MAML2: variants seen among roughly 807,000 people sequenced by gnomAD.
MAML2 encodes mastermind like transcriptional coactivator 2, also known as mastermind-like protein 2.
A neutral mutation model predicts 96.1 loss-of-function variants in MAML2; 22 were observed. The observed-to-expected ratio is 0.23, with a 90% CI of 0.16 to 0.33. The LOEUF is 0.33. Ranked by LOEUF, MAML2 falls within the 10% of genes least tolerant of loss-of-function variation. The pLI is 1.00. For missense variants in MAML2, 1,367 were observed against 1,392.4 expected, an observed-to-expected ratio of 0.98 and a Z score of 0.29; for synonymous variants, 561 against 521.3, an observed-to-expected ratio of 1.08 and a Z score of -1.04.
intron 1 of MAML2, among the ~76,000 whole-genome samples, chr11:96,237,590 T>C (rs914386380): frequency 6.6e-6 from 1 of 152,202 alleles, no homozygotes; most frequent in Admixed American, 6.5e-5. Flanking sequence ...ATCCAAAAAA[T>C]ATTTATTTTT....
At chr11:95,985,756 G>T in intron 3 of MAML2, 114 bp from the exon 4 acceptor site, 2 of 637,020 alleles carry the variant, frequency 3.1e-6, no homozygotes, top group South Asian at 2.2e-5. Flanking sequence ...TGCAATCATG[G>T]GTTACAAATC....
At chr11:96,083,675 C>T (rs576331972) in intron 2 of MAML2, among the ~76,000 whole-genome samples, 25 of 152,166 alleles carry the variant, frequency 1.6e-4, no homozygotes, top group Non-Finnish European at 2.6e-4. Context: ...GAAGAAAGGA[C>T]GATAAGTCAA....
At chr11:96,252,173 C>CCA (rs752553831) in intron 1 of MAML2, among the ~76,000 whole-genome samples, 161 of 149,296 alleles carry the variant, frequency 1.1e-3, no homozygotes, top group South Asian at 4.6e-3. Flanking sequence ...TTCTCTCTCT[C>CCA]TACACACACA....
At chr11:96,307,520 C>T (rs912821525) in intron 1 of MAML2, among the ~76,000 whole-genome samples, 1 of 152,128 alleles carries the variant, frequency 6.6e-6, no homozygotes, top group Admixed American at 6.5e-5. Context: ...AGCCCAGGCA[C>T]TCTCGACAGC....
At chr11:96,186,457 T>G (rs1310089882) in intron 1 of MAML2, among the ~76,000 whole-genome samples, 1 of 152,118 alleles carries the variant, frequency 6.6e-6, no homozygotes, top group Admixed American at 6.5e-5. Flanking sequence ...AGCGTGGTGG[T>G]GCATGCCTAT....
intron 1 of MAML2, among the ~76,000 whole-genome samples, chr11:96,265,786 C>T (rs1024276681): frequency 6.6e-6 from 1 of 152,192 alleles, no homozygotes; most frequent in Non-Finnish European, 1.5e-5. Flanking sequence ...GTTGGAGGAG[C>T]GCTCGGCCCC....
intron 2 of MAML2, among the ~76,000 whole-genome samples, chr11:96,037,001 A>G (rs1378676406): frequency 6.6e-6 from 1 of 152,162 alleles, no homozygotes; most frequent in Non-Finnish European, 1.5e-5. Flanking sequence ...CATCTTGGAA[A>G]TTTGATCGGA....
At chr11:96,002,505 G>A (rs1858095372) in intron 2 of MAML2, among the ~76,000 whole-genome samples, 1 of 152,012 alleles carries the variant, frequency 6.6e-6, no homozygotes, top group African/African-American at 2.4e-5. Context: ...TGGAGATCAT[G>A]ATGACAATGA....
At chr11:96,087,689 A>G (rs916585563) in intron 2 of MAML2, among the ~76,000 whole-genome samples, 2 of 152,002 alleles carry the variant, frequency 1.3e-5, no homozygotes, top group African/African-American at 4.8e-5. Flanking sequence ...CTTTTTTAGG[A>G]CTTTGGCTTG....
chr11:96,116,568 C>A (rs973065440), intron 1 of MAML2, among the ~76,000 whole-genome samples: 7 of 152,178 alleles, frequency 4.6e-5, no homozygotes, highest in African/African-American at 1.7e-4. Context: ...TTGTACTCAA[C>A]TGCTAAGCTT....
chr11:96,078,900 A>C (rs992744364), intron 2 of MAML2, among the ~76,000 whole-genome samples: 14 of 152,240 alleles, frequency 9.2e-5, no homozygotes, highest in African/African-American at 3.4e-4. Context: ...CAAGGATATC[A>C]ATTCAAATTT....
At chr11:96,007,567 G>T (rs937862626) in intron 2 of MAML2, among the ~76,000 whole-genome samples, 3 of 151,862 alleles carry the variant, frequency 2.0e-5, no homozygotes, top group African/African-American at 7.3e-5. Flanking sequence ...CTACATAGTG[G>T]TTATTTTAAG....
rs556959615 is a variant in MAML2 at position 96,038,952 on chromosome 11, T to C, written c.2140-47229A>G. 3.3e-5 allele frequency among the ~76,000 whole-genome samples: 5 copies of C among 152,300 alleles called. No individual in the cohort carries two copies. In the East Asian group the frequency reaches 7.7e-4, roughly 24 times the overall value. On this transcript the variant is annotated intron_variant, in intron 2 of 4. Transcript: ENST00000524717. ...TCAAATGAATGAATGAATAAATAAA[T>C]GAATGAAAATAATTCTAGGCCAGGC...
At chr11:96,018,743 C>A (rs1858392640) in intron 2 of MAML2, among the ~76,000 whole-genome samples, 1 of 152,128 alleles carries the variant, frequency 6.6e-6, no homozygotes, top group African/African-American at 2.4e-5. Flanking sequence ...ACTACAGGGA[C>A]CTGCCACCAT....
intron 2 of MAML2, among the ~76,000 whole-genome samples, chr11:96,074,695 A>G (rs1177960093): frequency 6.6e-6 from 1 of 152,262 alleles, no homozygotes; most frequent in East Asian, 1.9e-4. Context: ...GAGTACTGAC[A>G]AACGTCATCA....
At position 96,086,620 on chromosome 11, in the gene MAML2, T is replaced by C. The variant is rs193299579; in HGVS notation, c.2139+5272A>G. On this transcript the variant is annotated intron_variant, in intron 2 of 4. Coordinates refer to ENST00000524717, the MANE Select transcript of MAML2 (RefSeq NM_032427.4). ...AATTTTTTAAAAACTCTGAAAATTT[T>C]ACACTTCCATTACTGCACCACAATT... is the stretch of plus-strand genomic sequence containing the variant. 2.6e-5 allele frequency among the ~76,000 whole-genome samples: 4 copies of C among 152,346 alleles called. No homozygotes were observed. In the East Asian group the frequency reaches 7.7e-4, roughly 29 times the overall value.
At chr11:96,076,855 T>C (rs1449385304) in intron 2 of MAML2, among the ~76,000 whole-genome samples, 2 of 152,196 alleles carry the variant, frequency 1.3e-5, no homozygotes, top group Non-Finnish European at 2.9e-5. Flanking sequence ...ATATCAAAAT[T>C]GTCCAAGTGG....
At chr11:96,293,684 C>G (rs1224954980) in intron 1 of MAML2, among the ~76,000 whole-genome samples, 2 of 152,124 alleles carry the variant, frequency 1.3e-5, no homozygotes, top group Admixed American at 1.3e-4. Flanking sequence ...CCCACGGAAA[C>G]AGTATGCAGA....
intron 1 of MAML2, among the ~76,000 whole-genome samples, chr11:96,120,040 C>G (rs1456190431): frequency 6.7e-6 from 1 of 148,722 alleles, no homozygotes; most frequent in East Asian, 2.0e-4. Context: ...TCACTGCAAG[C>G]TCCGCCTCCC....
Sources: gnomAD v4.1 joint callset for allele counts (sites outside exome capture counted in the v4.1 genomes callset) on GRCh38, gnomAD v4.1.1 for gene constraint, MANE v1.5 for transcripts, NCBI Gene and HGNC (gene_info 2026-07-23, HGNC 2026-07-21) for gene names.